TOM1L2: variants seen among roughly 807,000 people sequenced by gnomAD.
TOM1L2 encodes the protein TOM1-like protein 2.
In TOM1L2, 31 loss-of-function variants were observed where a neutral mutation model predicts 67.9. The observed-to-expected ratio is 0.46, with a 90% CI of 0.34 to 0.62. The LOEUF (loss-of-function observed/expected upper bound fraction) is 0.62. TOM1L2 is among the 20% of genes least tolerant of loss of function. TOM1L2 has a pLI of 0.01. For synonymous variants in TOM1L2, 256 were observed against 254.0 expected (o/e 1.01, Z -0.07); for missense variants, 606 against 663.5 (o/e 0.91, Z 0.95).
At chr17:17,918,432 C>T (rs552544408) in intron 1 of TOM1L2, among the ~76,000 whole-genome samples, 7 of 152,194 alleles carry the variant, frequency 4.6e-5, no homozygotes, top group Non-Finnish European at 7.4e-5. Context: ...AAGGCAGCAT[C>T]GTTGCGCCTA....
At chr17:17,879,856 C>G in intron 6 of TOM1L2, 113 bp from the exon 7 acceptor site, 1 of 944,926 alleles carries the variant, frequency 1.1e-6, no homozygotes, top group African/African-American at 1.6e-5. Flanking sequence ...ACTGGGAGAT[C>G]TGGGTTGCCT....
intron 1 of TOM1L2, among the ~76,000 whole-genome samples, chr17:17,962,481 T>C (rs1469358973): frequency 6.6e-6 from 1 of 151,934 alleles, no homozygotes; most frequent in African/African-American, 2.4e-5. Context: ...CCCGGCTAAT[T>C]TTTTTGTATT....
intron 1 of TOM1L2, among the ~76,000 whole-genome samples, chr17:17,956,759 C>T (rs913924495): frequency 6.6e-6 from 1 of 152,328 alleles, no homozygotes; most frequent in Middle Eastern, 3.4e-3. Flanking sequence ...CTGCCCGGGG[C>T]CTGCGGTGCT....
Position 17,845,077 on chromosome 17 carries a change from C to T in TOM1L2, c.*2558G>A, listed in dbSNP as rs757264574. On this transcript the variant is annotated 3_prime_UTR_variant, in exon 15 of 15. Coordinates refer to ENST00000379504, the MANE Select transcript of TOM1L2 (RefSeq NM_001082968.2). ...GCAGAGATCTCAGGACAGGCCATCT[C>T]GCCAGGGCTAAGTGGAACCCACTCT... 1 of 152,366 alleles carries T rather than the reference C, an allele frequency of 6.6e-6. No homozygotes were observed. The highest frequency in any genetic ancestry group is 1.5e-5 in the Non-Finnish European group (1 of 68,098). 9.4% of individuals were successfully genotyped at this position (152,366 alleles called of 1,614,324 possible).
chr17:17,924,344 G>A (rs1486853328), intron 1 of TOM1L2, among the ~76,000 whole-genome samples: 3 of 152,074 alleles, frequency 2.0e-5, no homozygotes, highest in South Asian at 2.1e-4. Context: ...GCTGAACAAC[G>A]CTGTGAATAC....
chr17:17,949,015 C>T (rs1022988766), intron 1 of TOM1L2, among the ~76,000 whole-genome samples: 18 of 152,246 alleles, frequency 1.2e-4, no homozygotes, highest in Non-Finnish European at 5.9e-5. Flanking sequence ...GGGCCACATA[C>T]AGAGTGACTG....
intron 5 of TOM1L2, among the ~76,000 whole-genome samples, chr17:17,883,298 G>T (rs2037824251): frequency 6.6e-6 from 1 of 152,192 alleles, no homozygotes; most frequent in Non-Finnish European, 1.5e-5. Context: ...TAGTAATTAT[G>T]CAATTTACCA....
chr17:17,857,802 C>A, intron 12 of TOM1L2: 1 of 1,535,652 alleles, frequency 6.5e-7, no homozygotes, highest in Non-Finnish European at 8.7e-7. Context: ...TGTCTATGGG[C>A]TCCAGGTCAG....
intron 3 of TOM1L2, among the ~76,000 whole-genome samples, chr17:17,896,531 T>A (rs537413024): frequency 3.9e-5 from 6 of 152,264 alleles, no homozygotes; most frequent in African/African-American, 1.4e-4. Flanking sequence ...GAGATGCATG[T>A]GCCACAGAGC....
chr17:17,952,383 T>TC (rs2041244092), intron 1 of TOM1L2, among the ~76,000 whole-genome samples: 1 of 31,538 alleles, frequency 3.2e-5, no homozygotes. Context: ...TTTCTTTTTT[T>TC]TTTTTTTTTT....
chr17:17,904,035 A>G (rs1354559199), intron 2 of TOM1L2, among the ~76,000 whole-genome samples: 1 of 151,784 alleles, frequency 6.6e-6, no homozygotes, highest in African/African-American at 2.4e-5. Flanking sequence ...GTCTCACTAC[A>G]TTTCCTAGGC....
chr17:17,951,817 C>A (rs1338841927), intron 1 of TOM1L2, among the ~76,000 whole-genome samples: 2 of 152,166 alleles, frequency 1.3e-5, no homozygotes, highest in African/African-American at 4.8e-5. Context: ...TTCCATTAGA[C>A]AATGTGGACC....
chr17:17,969,859 T>C (rs1568416103), intron 1 of TOM1L2, among the ~76,000 whole-genome samples: 1 of 150,132 alleles, frequency 6.7e-6, no homozygotes, highest in Non-Finnish European at 1.5e-5. Flanking sequence ...ATAGGAATCT[T>C]TCTCTCTCTC....
chr17:17,871,881 T>C, intron 7 of TOM1L2: 1 of 750,980 alleles, frequency 1.3e-6, no homozygotes, highest in Non-Finnish European at 1.6e-6. Flanking sequence ...AGACAAGTGC[T>C]AGAATTAATA....
At chr17:17,955,419 ATCTCTGCCTCCC>A (rs2041396336) in intron 1 of TOM1L2, among the ~76,000 whole-genome samples, 1 of 146,736 alleles carries the variant, frequency 6.8e-6, no homozygotes. Flanking sequence ...GCTCACCTCA[ATCTCTGCCTCCC>A]GGGTTCAAGC....
At chr17:17,869,093 C>T (rs2037007920) in intron 8 of TOM1L2, 5 of 625,202 alleles carry the variant, frequency 8.0e-6, no homozygotes, top group South Asian at 8.0e-5. Context: ...GCAGAGCAGC[C>T]TGAGGCTTAC....
intron 10 of TOM1L2, among the ~76,000 whole-genome samples, chr17:17,865,543 A>AT (rs1205531896): frequency 6.6e-6 from 1 of 151,284 alleles, no homozygotes; most frequent in South Asian, 2.1e-4. Flanking sequence ...AGTCTGGCTA[A>AT]TTTTTTTGTA....
intron 1 of TOM1L2, among the ~76,000 whole-genome samples, chr17:17,911,051 C>T (rs777805155): frequency 1.3e-5 from 2 of 152,128 alleles, no homozygotes; most frequent in Non-Finnish European, 2.9e-5. Context: ...AAAGCCAAGC[C>T]GCTGGATTGC....
chr17:17,876,241 C>T (rs879428818), intron 7 of TOM1L2, among the ~76,000 whole-genome samples: 5 of 152,096 alleles, frequency 3.3e-5, no homozygotes, highest in Non-Finnish European at 4.4e-5. Flanking sequence ...AATTTCGGGC[C>T]CAGACCTAAG....
Sources: allele counts gnomAD v4.1 joint callset (sites outside exome capture counted in the v4.1 genomes callset), GRCh38; gene constraint gnomAD v4.1.1; transcripts MANE v1.5; gene names NCBI Gene and HGNC (gene_info 2026-07-23, HGNC 2026-07-21).